MBNL1: variants seen among roughly 807,000 people sequenced by gnomAD.
The protein encoded by MBNL1 is muscleblind-like protein 1.
In MBNL1, 8 loss-of-function variants were observed where a neutral mutation model predicts 42.2. The ratio of observed to expected loss-of-function variants is 0.19; its 90% CI spans 0.11 to 0.34. The LOEUF (loss-of-function observed/expected upper bound fraction) is 0.34, where lower values mean the gene tolerates loss of function less well. Ranked by LOEUF, MBNL1 falls within the 10% of genes least tolerant of loss-of-function variation. MBNL1 has a pLI of 1.00. For synonymous variants in MBNL1, 169 were observed against 173.9 expected, an observed-to-expected ratio of 0.97 and a Z score of 0.22; for missense variants, 309 against 495.3, an observed-to-expected ratio of 0.62 and a Z score of 3.57.
chr3:152,337,153 T>C (rs569163436), intron 2 of MBNL1, among the ~76,000 whole-genome samples: 125 of 152,326 alleles, frequency 8.2e-4, no homozygotes, highest in African/African-American at 2.8e-3. Context: ...TGTAGCTGTT[T>C]AATATTTAAT....
chr3:152,391,422 C>A (rs2097712285), intron 2 of MBNL1, among the ~76,000 whole-genome samples: 1 of 152,258 alleles, frequency 6.6e-6, no homozygotes, highest in African/African-American at 2.4e-5. Context: ...AAATTTATGA[C>A]CTTCTTTCTA....
chr3:152,258,574 A>G (rs142043116), intron 2 of MBNL1, among the ~76,000 whole-genome samples: 1 of 152,320 alleles, frequency 6.6e-6, no homozygotes, highest in Non-Finnish European at 1.5e-5. Context: ...CAGCAGGGCA[A>G]GGTTGCAGCA....
In MBNL1 at chr3:152,352,595, T is replaced by G. The variant is rs1033913449; in HGVS notation, c.174+52228T>G. ...CTGGTTTTTTTTTGCTGTTGTTGTTTTTTTTTGGTTGTTGTTGTTTTTAAA... is the reference window on the plus strand; with the variant it reads ...CTGGTTTTTTTTTGCTGTTGTTGTTGTTTTTTGGTTGTTGTTGTTTTTAAA... On this transcript the variant is annotated intron_variant, in intron 2 of 9. Transcript: ENST00000324210. Among the ~76,000 whole-genome samples, 6 of 152,206 alleles carry G rather than the reference T, an allele frequency of 3.9e-5. No individual in the cohort carries two copies. The East Asian group carries it at 5.8e-4, about 15-fold the overall frequency.
chr3:152,415,409 C>T (rs1224880368), intron 3 of MBNL1, among the ~76,000 whole-genome samples: 2 of 152,162 alleles, frequency 1.3e-5, no homozygotes, highest in Admixed American at 1.3e-4. Flanking sequence ...TTACAATGAT[C>T]ATCTAACTCA....
intron 2 of MBNL1, among the ~76,000 whole-genome samples, chr3:152,349,161 G>A (rs886844169): frequency 6.6e-6 from 1 of 152,054 alleles, no homozygotes; most frequent in Admixed American, 6.6e-5. Flanking sequence ...TGTATCCCTT[G>A]TGCTAAATAG....
intron 2 of MBNL1, among the ~76,000 whole-genome samples, chr3:152,314,730 A>G (rs2069527597): frequency 6.6e-6 from 1 of 152,208 alleles, no homozygotes; most frequent in South Asian, 2.1e-4. Context: ...GACTTTTAAC[A>G]TCATTAGAAA....
chr3:152,446,691 C>T, intron 5 of MBNL1: 2 of 1,613,326 alleles, frequency 1.2e-6, no homozygotes, highest in Non-Finnish European at 8.5e-7. Flanking sequence ...GTGCTCGCTG[C>T]CTGCTAATTA....
intron 2 of MBNL1, among the ~76,000 whole-genome samples, chr3:152,257,806 T>A (rs567959716): frequency 3.9e-5 from 6 of 152,160 alleles, no homozygotes; most frequent in Admixed American, 2.0e-4. Context: ...TAAAAAAAAA[T>A]TTTTGAAATA....
intron 2 of MBNL1, among the ~76,000 whole-genome samples, chr3:152,343,840 A>C (rs900105379): frequency 1.3e-5 from 2 of 152,200 alleles, no homozygotes; most frequent in African/African-American, 4.8e-5. Context: ...TTAGTTTTTC[A>C]TACAGTGAAA....
chr3:152,268,438 G>C, upstream of MBNL1: 1 of 287,902 alleles, frequency 3.5e-6, no homozygotes, highest in South Asian at 2.8e-5. Flanking sequence ...CAGGATTCTA[G>C]TCTAATTGGC....
intron 2 of MBNL1, among the ~76,000 whole-genome samples, chr3:152,255,463 G>T (rs769157155): frequency 3.3e-4 from 50 of 152,174 alleles, no homozygotes; most frequent in Non-Finnish European, 6.5e-4. Context: ...TTCTCAGGAA[G>T]TGGGTTATGT....
chr3:152,326,774 G>A (rs3845157), intron 2 of MBNL1, among the ~76,000 whole-genome samples: 82,727 of 149,990 alleles, frequency 0.55, 23,113 homozygotes, highest in Middle Eastern at 0.63. Flanking sequence ...TTTCCCTTGG[G>A]AAAATTATTT....
intron 4 of MBNL1, among the ~76,000 whole-genome samples, chr3:152,435,799 G>T (rs2099071135): frequency 6.6e-6 from 1 of 152,018 alleles, no homozygotes; most frequent in East Asian, 1.9e-4. Context: ...TATTCTTTTT[G>T]TGGCAATTGT....
At chr3:152,354,436 C>T (rs982605608) in intron 2 of MBNL1, among the ~76,000 whole-genome samples, 13 of 152,082 alleles carry the variant, frequency 8.5e-5, no homozygotes, top group African/African-American at 2.7e-4. Flanking sequence ...GCCTGGGTAA[C>T]AAAGCAAAAC....
Position 152,371,537 on chromosome 3 carries a change from G to A in MBNL1, c.175-43404G>A, listed in dbSNP as rs146643017. 3.9e-3 allele frequency among the ~76,000 whole-genome samples: 599 copies of A among 152,230 alleles called. 3 individuals carry two copies. The highest frequency in any genetic ancestry group is 6.4e-3 in the Non-Finnish European group (433 of 67,996). ...GCTTGAACCCAGGAGGTCAGGTTGC[G>A]GTGAGCCGAGATCTTGCCATCATAC... On this transcript the variant is annotated intron_variant, in intron 2 of 9. Coordinates refer to ENST00000324210, the MANE Select transcript of MBNL1 (RefSeq NM_021038.5).
intron 2 of MBNL1, chr3:152,340,865 G>A: frequency 1.2e-6 from 2 of 1,613,632 alleles, no homozygotes; most frequent in Non-Finnish European, 1.7e-6. Flanking sequence ...ACAAAGCCAA[G>A]CCAGTATAAA....
At chr3:152,417,705 C>T (rs1490724344) in intron 3 of MBNL1, among the ~76,000 whole-genome samples, 2 of 152,000 alleles carry the variant, frequency 1.3e-5, no homozygotes, top group African/African-American at 2.4e-5. Context: ...TTCCGAAACA[C>T]CAGAAAAACA....
At chr3:152,435,436 A>G (rs1410763849) in intron 4 of MBNL1, among the ~76,000 whole-genome samples, 1 of 152,146 alleles carries the variant, frequency 6.6e-6, no homozygotes, top group East Asian at 1.9e-4. Context: ...TGTTTGGGTT[A>G]CTGTAGCCTT....
chr3:152,330,438 C>T (rs1175857964), intron 2 of MBNL1, among the ~76,000 whole-genome samples: 1 of 152,144 alleles, frequency 6.6e-6, no homozygotes, highest in East Asian at 1.9e-4. Context: ...GGACAAAAAT[C>T]TGCCCATTTT....
Sources: gnomAD v4.1 joint callset for allele counts (sites outside exome capture counted in the v4.1 genomes callset) on GRCh38, gnomAD v4.1.1 for gene constraint, MANE v1.5 for transcripts, NCBI Gene and HGNC (gene_info 2026-07-23, HGNC 2026-07-21) for gene names.